PCMT1: variants seen among roughly 807,000 people sequenced by gnomAD.
PCMT1 encodes the protein protein-L-isoaspartate(D-aspartate) O-methyltransferase.
In PCMT1, 9 loss-of-function variants were observed where a neutral mutation model predicts 29.2. The ratio of observed to expected loss-of-function variants is 0.31; its 90% CI spans 0.19 to 0.54. The LOEUF is 0.54. PCMT1 is among the 20% of genes least tolerant of loss of function. The probability of loss-of-function intolerance (pLI) is 0.95; values close to 1 mark genes in which losing one functional copy is unlikely to be tolerated. For missense variants in PCMT1, 184 were observed against 282.2 expected, an observed-to-expected ratio of 0.65 and a Z score of 2.49; for synonymous variants, 98 against 97.5, an observed-to-expected ratio of 1.00 and a Z score of -0.03.
At chr6:149,753,025 A>G (rs538293817) in intron 1 of PCMT1, among the ~76,000 whole-genome samples, 6 of 152,102 alleles carry the variant, frequency 3.9e-5, no homozygotes, top group Admixed American at 3.3e-4. Context: ...AGGAAATTAG[A>G]GTAGAATAGT....
rs1243098912 is a variant in PCMT1 at position 149,772,490 on chromosome 6, A to G, written c.161-648A>G. 5 of 423,206 alleles carry G rather than the reference A, an allele frequency of 1.2e-5. No individual in the cohort carries two copies. In the Admixed American group the frequency reaches 1.6e-4, roughly 13 times the overall value. 26.2% of individuals were successfully genotyped at this position (423,206 alleles called of 1,614,324 possible). On this transcript the variant is annotated intron_variant, in intron 2 of 7. Coordinates refer to ENST00000464889, the MANE Select transcript of PCMT1 (RefSeq NM_001360452.2). ...TATGAAAACTTATTTTTAAAAAACAATCTGAAGTAAAAACAAGCCAAAAAT... is the reference window on the plus strand; with the variant it reads ...TATGAAAACTTATTTTTAAAAAACAGTCTGAAGTAAAAACAAGCCAAAAAT...
chr6:149,779,983 AT>A (rs961703296), intron 3 of PCMT1, among the ~76,000 whole-genome samples: 1 of 152,180 alleles, frequency 6.6e-6, no homozygotes, highest in Non-Finnish European at 1.5e-5. Context: ...TGAACAAAGC[AT>A]AGCAGTTACT....
chr6:149,785,214 C>T (rs1453359712), intron 3 of PCMT1, among the ~76,000 whole-genome samples: 3 of 127,446 alleles, frequency 2.4e-5, no homozygotes, highest in African/African-American at 1.1e-4. Flanking sequence ...AATGGTCCTT[C>T]CTGTTGCATC....
chr6:149,755,522 C>T (rs1397288796), intron 1 of PCMT1, among the ~76,000 whole-genome samples: 1 of 152,030 alleles, frequency 6.6e-6, no homozygotes, highest in African/African-American at 2.4e-5. Context: ...ACCGTATTTC[C>T]TGTGGGTAAA....
chr6:149,785,658 C>T (rs992310818), intron 3 of PCMT1, among the ~76,000 whole-genome samples: 9 of 152,026 alleles, frequency 5.9e-5, no homozygotes, highest in South Asian at 4.1e-4. Context: ...GCACATCTTG[C>T]ACCGCCCTTA....
chr6:149,788,922 C>G (rs895271075), intron 3 of PCMT1, among the ~76,000 whole-genome samples: 12 of 151,954 alleles, frequency 7.9e-5, no homozygotes, highest in Non-Finnish European at 1.0e-4. Flanking sequence ...CATTATGTAT[C>G]TATATATTTG....
intron 3 of PCMT1, among the ~76,000 whole-genome samples, chr6:149,785,122 T>C (rs1157179919): frequency 2.0e-5 from 3 of 150,644 alleles, no homozygotes; most frequent in Admixed American, 2.0e-4. Context: ...TATATAGAAT[T>C]TCCCATATTC....
At chr6:149,750,050 G>A in intron 1 of PCMT1, 94 bp downstream of exon 1, 1 of 1,451,260 alleles carries the variant, frequency 6.9e-7, no homozygotes, top group South Asian at 1.4e-5. Context: ...GTCTGTCCCC[G>A]CGCGCCTGTT....
intron 3 of PCMT1, among the ~76,000 whole-genome samples, chr6:149,787,278 G>A (rs1788149631): frequency 6.8e-6 from 1 of 148,086 alleles, no homozygotes; most frequent in Non-Finnish European, 1.5e-5. Context: ...GAAAGAGAGG[G>A]AGACCGTGGG....
intron 5 of PCMT1, chr6:149,794,749 G>T: frequency 2.2e-6 from 1 of 464,556 alleles, no homozygotes; most frequent in South Asian, 1.6e-5. Context: ...TGTGGACACT[G>T]AAAGGGGAAT....
At chr6:149,799,590 T>A (rs755908685) in intron 6 of PCMT1, among the ~76,000 whole-genome samples, 6 of 152,226 alleles carry the variant, frequency 3.9e-5, no homozygotes, top group Non-Finnish European at 7.3e-5. Context: ...GATTAAGATG[T>A]CTTAAAATGT....
At chr6:149,807,168 G>C (rs1202815556) in intron 7 of PCMT1, among the ~76,000 whole-genome samples, 1 of 152,106 alleles carries the variant, frequency 6.6e-6, no homozygotes, top group Non-Finnish European at 1.5e-5. Flanking sequence ...TTGTAATTTT[G>C]GTGGATTAAT....
intron 7 of PCMT1, among the ~76,000 whole-genome samples, chr6:149,808,732 G>GT (rs986946947): frequency 1.3e-5 from 2 of 151,810 alleles, no homozygotes; most frequent in African/African-American, 4.8e-5. Flanking sequence ...CGCCTCCCTG[G>GT]TTTAAGCGAT....
chr6:149,784,410 A>C (rs1337872764), intron 3 of PCMT1, among the ~76,000 whole-genome samples: 2 of 152,298 alleles, frequency 1.3e-5, no homozygotes, highest in Non-Finnish European at 2.9e-5. Flanking sequence ...AGTATAATGA[A>C]CCTATAAATC....
rs1290681880 is a variant in PCMT1 at position 149,763,097 on chromosome 6, GAT to G, written c.56-8056_56-8055del. ...TGATATGTATATCTATGATATATAT[GAT>G]ATATATATCTATGATATGTATATCT... On this transcript the variant is annotated intron_variant, in intron 1 of 7. Transcript: ENST00000464889. Among the ~76,000 whole-genome samples, 8 of 63,176 alleles carry G rather than the reference GAT, an allele frequency of 1.3e-4. 3 individuals carry two copies. The highest frequency in any genetic ancestry group is 2.6e-4 in the Admixed American group (1 of 3,912). The allele number at this position is 63,176 out of a possible 152,430, so 41.4% of individuals were successfully genotyped here. A position where few individuals can be genotyped will look rare whatever the true frequency, so the allele number is the denominator to read the frequency against.
intron 1 of PCMT1, among the ~76,000 whole-genome samples, chr6:149,753,137 A>G (rs912229481): frequency 3.9e-5 from 6 of 152,180 alleles, no homozygotes; most frequent in African/African-American, 1.2e-4. Context: ...TATAAAAGTA[A>G]TACTTGCTCA....
chr6:149,803,079 A>C (rs1191932847), intron 7 of PCMT1, among the ~76,000 whole-genome samples: 1 of 131,072 alleles, frequency 7.6e-6, no homozygotes, highest in Non-Finnish European at 1.6e-5. Flanking sequence ...AAAAAAAAAA[A>C]AAACAAGGGG....
chr6:149,766,313 A>G (rs903843536), intron 1 of PCMT1, among the ~76,000 whole-genome samples: 1 of 152,186 alleles, frequency 6.6e-6, no homozygotes, highest in African/African-American at 2.4e-5. Flanking sequence ...GAGTTCCTGC[A>G]TATTCAAAAT....
In PCMT1 at chr6:149,762,964, A is replaced by G. The variant is rs184588913; in HGVS notation, c.56-8198A>G. Reference sequence around the variant, plus strand: ...ATATATATCTATGATATGTATATCTATGATATATATGATATATATATCTAT... The same window carrying G: ...ATATATATCTATGATATGTATATCTGTGATATATATGATATATATATCTAT... On this transcript the variant is annotated intron_variant, in intron 1 of 7. Coordinates refer to ENST00000464889, the MANE Select transcript of PCMT1 (RefSeq NM_001360452.2). 7.2e-3 allele frequency among the ~76,000 whole-genome samples: 439 copies of G among 60,888 alleles called. 178 individuals carry two copies. Among genetic ancestry groups the G allele is most frequent in the African/African-American group, 0.07 (420 of 5,962 alleles). The allele number at this position is 60,888 out of a possible 152,430, so 39.9% of individuals were successfully genotyped here.
Sources: allele counts gnomAD v4.1 joint callset (sites outside exome capture counted in the v4.1 genomes callset), GRCh38; gene constraint gnomAD v4.1.1; transcripts MANE v1.5; gene names NCBI Gene and HGNC (gene_info 2026-07-23, HGNC 2026-07-21).